RGS18: variants seen among roughly 807,000 people sequenced by gnomAD.
The protein encoded by RGS18 is regulator of G protein signaling 18.
In RGS18, 22 loss-of-function variants were observed where a neutral mutation model predicts 27.6. That is an observed-to-expected ratio of 0.80 (90% confidence interval 0.57 to 1.14). The LOEUF is 1.14. RGS18 is among the 50% of genes most tolerant of loss of function. The pLI is 0.00. For missense variants in RGS18, 299 were observed against 269.6 expected, an observed-to-expected ratio of 1.11 and a Z score of -0.76; for synonymous variants, 89 against 84.6, an observed-to-expected ratio of 1.05 and a Z score of -0.29.
At position 192,158,645 on chromosome 1, in the gene RGS18, C is replaced by G; in HGVS notation, c.8C>G (p.Thr3Arg). The G allele has an allele frequency of 1.3e-6, 2 of 1,559,796 alleles. No homozygotes were observed. Among genetic ancestry groups the G allele is most frequent in the South Asian group, 1.3e-5 (1 of 79,016 alleles). ME[T>R]TLLFFSQINM... ...CTTCATTTTAGAGAGAAGATGGAAA[C>G]AACATTGCTTTTCTTTTCTCAAATA... Residue 3 changes from threonine to arginine, a missense_variant, in exon 1 of 5, where the codon ACA (threonine) becomes AGA (arginine). Coordinates refer to ENST00000367460, the MANE Select transcript of RGS18 (RefSeq NM_130782.3).
rs540105934 is a variant in RGS18 at position 192,158,843 on chromosome 1, T to G, written c.119+87T>G. ...TCATTACCTCTTGTTTTTGAACTATTGGGTGGAAAATATATTGTTTGTATT... is the reference window on the plus strand; with the variant it reads ...TCATTACCTCTTGTTTTTGAACTATGGGGTGGAAAATATATTGTTTGTATT... On this transcript the variant is annotated intron_variant, in intron 1 of 4. Coordinates refer to ENST00000367460, the MANE Select transcript of RGS18 (RefSeq NM_130782.3). 8 of 942,296 alleles carry G rather than the reference T, an allele frequency of 8.5e-6. No homozygotes were observed. In the East Asian group the frequency reaches 2.1e-4, roughly 24 times the overall value. The allele number at this position is 942,296 out of a possible 1,614,324, so 58.4% of individuals were successfully genotyped here. A position where few individuals can be genotyped will look rare whatever the true frequency, so the allele number is the denominator to read the frequency against.
rs1048711036 is a variant in RGS18 at position 192,159,091 on chromosome 1, A to T, written c.120-129A>T. The T allele has an allele frequency of 1.5e-5, 9 of 617,948 alleles. No homozygotes were observed. In the African/African-American group the frequency reaches 1.7e-4, roughly 11 times the overall value. 38.3% of individuals were successfully genotyped at this position (617,948 alleles called of 1,614,324 possible). On this transcript the variant is annotated intron_variant, in intron 1 of 4. Transcript: ENST00000367460. ...ATTCCTCCACAAATACAATATTTAA[A>T]TGGGATTCATGAGTGTGTGGGTATG...
chr1:192,184,170 C>A, intron 4 of RGS18, 127 bp from the exon 5 acceptor site: 1 of 788,832 alleles, frequency 1.3e-6, no homozygotes, highest in South Asian at 1.8e-5. Flanking sequence ...AGGCTACACA[C>A]ATCCAAACTA....
At chr1:192,173,883 C>T (rs2102156877) in intron 3 of RGS18, among the ~76,000 whole-genome samples, 1 of 151,744 alleles carries the variant, frequency 6.6e-6, no homozygotes, top group South Asian at 2.1e-4. Flanking sequence ...TGTAGTTTTT[C>T]TGTTACATAT....
rs1229545140 is a variant in RGS18 at position 192,165,467 on chromosome 1, C to A, written c.283+5028C>A. ...GACCCACACTGTGTTCGTACACTCC[C>A]TCCCCTTTGAAAATTGCTAATAAAA... is the stretch of plus-strand genomic sequence containing the variant. On this transcript the variant is annotated intron_variant, in intron 3 of 4. Coordinates refer to ENST00000367460, the MANE Select transcript of RGS18 (RefSeq NM_130782.3). Among the ~76,000 whole-genome samples, 3 of 152,176 alleles carry A rather than the reference C, an allele frequency of 2.0e-5. No individual in the cohort carries two copies. In the East Asian group the frequency reaches 5.8e-4, roughly 29 times the overall value.
rs924912514 is a variant in RGS18 at position 192,158,879 on chromosome 1, G to T, written c.119+123G>T. On this transcript the variant is annotated intron_variant, in intron 1 of 4. Coordinates refer to ENST00000367460, the MANE Select transcript of RGS18 (RefSeq NM_130782.3). The stretch of plus-strand genomic sequence containing the variant: ...TATATTGTTTGTATTGCTATAATTT[G>T]GGAAAAAAAAACACCTTTTTATTTC... The T allele has an allele frequency of 3.0e-5, 21 of 710,952 alleles. No homozygotes were observed. In the African/African-American group the frequency reaches 3.9e-4, roughly 13 times the overall value. 44.0% of individuals were successfully genotyped at this position (710,952 alleles called of 1,614,324 possible). A position where few individuals can be genotyped will look rare whatever the true frequency, so the allele number is the denominator to read the frequency against.
chr1:192,159,562 G>A (rs932872712), intron 2 of RGS18, among the ~76,000 whole-genome samples: 18 of 152,098 alleles, frequency 1.2e-4, no homozygotes, highest in Non-Finnish European at 2.5e-4. Context: ...ATACCTGTCA[G>A]TTTTAAATGA....
intron 3 of RGS18, among the ~76,000 whole-genome samples, chr1:192,175,027 G>A (rs1413398920): frequency 2.6e-5 from 4 of 151,594 alleles, no homozygotes; most frequent in Non-Finnish European, 2.9e-5. Context: ...CTATACAACT[G>A]TCTGCTAGCA....
intron 3 of RGS18, among the ~76,000 whole-genome samples, chr1:192,175,310 T>G (rs1008726472): frequency 1.3e-5 from 1 of 78,964 alleles, no homozygotes; most frequent in Admixed American, 1.7e-4. Flanking sequence ...TCATGAAAAT[T>G]TCCTTATATC....
At chr1:192,160,077 T>C (rs1656044155) in intron 2 of RGS18, among the ~76,000 whole-genome samples, 1 of 152,134 alleles carries the variant, frequency 6.6e-6, no homozygotes, top group Non-Finnish European at 1.5e-5. Context: ...GATTTCTTTA[T>C]ATTTGTTATC....
intron 3 of RGS18, among the ~76,000 whole-genome samples, chr1:192,162,292 G>C (rs553353508): frequency 1.3e-5 from 2 of 151,666 alleles, no homozygotes; most frequent in Admixed American, 1.3e-4. Context: ...TTTTTGGTTT[G>C]TTTGTTGTTT....
At chr1:192,162,910 A>G in intron 3 of RGS18, among the ~76,000 whole-genome samples, 1 of 152,248 alleles carries the variant, frequency 6.6e-6, no homozygotes, top group East Asian at 1.9e-4. Flanking sequence ...AGTATTTATT[A>G]GAAGGAAACA....
chr1:192,159,459 G>A (rs1303088791), intron 2 of RGS18, 138 bp downstream of exon 2: 1 of 631,692 alleles, frequency 1.6e-6, no homozygotes, highest in Non-Finnish European at 2.8e-6. Context: ...CATTTGAAGA[G>A]ACTAGAAATA....
intron 3 of RGS18, chr1:192,169,070 T>C (rs2102154243): frequency 6.6e-6 from 1 of 152,338 alleles, no homozygotes; most frequent in South Asian, 2.1e-4. Flanking sequence ...GACTAAGTTA[T>C]TTTTAAAATC....
At chr1:192,171,481 G>C (rs1656256249) in intron 3 of RGS18, among the ~76,000 whole-genome samples, 1 of 151,970 alleles carries the variant, frequency 6.6e-6, no homozygotes, top group Non-Finnish European at 1.5e-5. Flanking sequence ...TGTCTCTCTA[G>C]TTAATTAACT....
chr1:192,168,472 G>C (rs1238370983), intron 3 of RGS18: 2 of 152,144 alleles, frequency 1.3e-5, no homozygotes, highest in East Asian at 3.9e-4. Flanking sequence ...TTGAATGTCT[G>C]TATCAAGCAC....
rs543917606 is a variant in RGS18 at position 192,164,705 on chromosome 1, G to A, written c.283+4266G>A. Among the ~76,000 whole-genome samples the A allele has an allele frequency of 3.4e-4, 51 of 152,222 alleles. No individual in the cohort carries two copies. The South Asian group carries it at 0.011, about 32-fold the overall frequency. Reference sequence around the variant, plus strand: ...TGGGAAGTCAGGGACCCCGAAAGAAGGGACCAGCTGAAGCTATGGCAGAAG... The same window carrying A: ...TGGGAAGTCAGGGACCCCGAAAGAAAGGACCAGCTGAAGCTATGGCAGAAG... On this transcript the variant is annotated intron_variant, in intron 3 of 4. Transcript: ENST00000367460.
intron 3 of RGS18, among the ~76,000 whole-genome samples, chr1:192,173,931 C>T (rs891245867): frequency 6.6e-6 from 1 of 151,478 alleles, no homozygotes; most frequent in Non-Finnish European, 1.5e-5. Context: ...TTTTCTTCTA[C>T]TGACTATGTA....
intron 3 of RGS18, among the ~76,000 whole-genome samples, chr1:192,171,537 GA>G (rs972208548): frequency 1.3e-5 from 2 of 151,976 alleles, no homozygotes; most frequent in African/African-American, 4.8e-5. Context: ...ATTTACTGAG[GA>G]AAAGAAATGG....
Sources: allele counts gnomAD v4.1 joint callset (sites outside exome capture counted in the v4.1 genomes callset), GRCh38; gene constraint gnomAD v4.1.1; transcripts MANE v1.5; gene names NCBI Gene and HGNC (gene_info 2026-07-23, HGNC 2026-07-21).